Variants in DGKB observed in about 807,000 individuals in gnomAD.
DGKB encodes 90 kDa diacylglycerol kinase.
Under a neutral mutation model 114.3 loss-of-function variants are expected in DGKB, and 67 were observed. The observed-to-expected ratio is 0.59, with a 90% CI of 0.48 to 0.72. The LOEUF is 0.72. DGKB is among the 30% of genes least tolerant of loss of function. The probability of loss-of-function intolerance (pLI) is 0.00; values close to 1 mark genes in which losing one functional copy is unlikely to be tolerated. For synonymous variants in DGKB, 398 were observed against 323.1 expected (o/e 1.23, Z -2.49); for missense variants, 907 against 975.2 (o/e 0.93, Z 0.93).
chr7:14,884,980 G>A (rs865798131), intron 1 of DGKB, among the ~76,000 whole-genome samples: 2 of 151,898 alleles, frequency 1.3e-5, no homozygotes, highest in Admixed American at 6.6e-5. Flanking sequence ...ACTTTAGAAC[G>A]CAAAAGCAGG....
chr7:14,939,392 T>G (rs1446845063), intron 1 of DGKB, among the ~76,000 whole-genome samples: 3 of 152,090 alleles, frequency 2.0e-5, no homozygotes, highest in Admixed American at 2.0e-4. Context: ...TCAGTGAAGT[T>G]TAACTAGAGA....
At chr7:14,425,017 G>A (rs1229599021) in intron 21 of DGKB, among the ~76,000 whole-genome samples, 1 of 151,820 alleles carries the variant, frequency 6.6e-6, no homozygotes, top group Non-Finnish European at 1.5e-5. Context: ...TCTATAACTT[G>A]GTTGATGTAG....
chr7:14,574,521 TATAAG>T, intron 19 of DGKB, 149 bp from the exon 20 acceptor site: 1 of 659,052 alleles, frequency 1.5e-6, no homozygotes, highest in Non-Finnish European at 2.5e-6. Context: ...AAGAATTAAT[TATAAG>T]ATTATACTCA....
At position 14,148,924 on chromosome 7, in the gene DGKB, G is replaced by C. The variant is rs1781773306; in HGVS notation, c.*207C>G. ...GCAGTATCACTTCAGGTAAACTTCT[G>C]CTTTCTTCATGCAAAGATGCCTATA... On this transcript the variant is annotated 3_prime_UTR_variant, in exon 26 of 26. Transcript: ENST00000402815. The C allele has an allele frequency of 1.7e-6, 1 of 577,126 alleles. No individual in the cohort carries two copies. The highest frequency in any genetic ancestry group is 3.1e-6 in the Non-Finnish European group (1 of 327,242). 35.8% of individuals were successfully genotyped at this position (577,126 alleles called of 1,614,324 possible). A position where few individuals can be genotyped will look rare whatever the true frequency, so the allele number is the denominator to read the frequency against.
chr7:14,299,895 TTAAAG>T (rs1439612260), intron 23 of DGKB, among the ~76,000 whole-genome samples: 2 of 151,616 alleles, frequency 1.3e-5, no homozygotes, highest in Non-Finnish European at 2.9e-5. Flanking sequence ...AAAAAAACCT[TTAAAG>T]TAAAGCAAAA....
intron 25 of DGKB, among the ~76,000 whole-genome samples, chr7:14,163,349 A>G (rs1029785907): frequency 3.9e-5 from 6 of 152,208 alleles, no homozygotes; most frequent in Admixed American, 3.9e-4. Flanking sequence ...ATTACAAAAA[A>G]CAACAATTGT....
chr7:14,207,982 T>C (rs985165262), intron 23 of DGKB, among the ~76,000 whole-genome samples: 2 of 152,008 alleles, frequency 1.3e-5, no homozygotes, highest in Non-Finnish European at 2.9e-5. Flanking sequence ...TCTATAGAAG[T>C]TTGTTTGTAA....
chr7:14,652,352 T>C (rs1814731439), intron 13 of DGKB, among the ~76,000 whole-genome samples: 1 of 152,104 alleles, frequency 6.6e-6, no homozygotes, highest in Non-Finnish European at 1.5e-5. Flanking sequence ...GCCGCATATC[T>C]ACAACTATCC....
chr7:14,331,356 A>G lies in DGKB; in HGVS notation c.2122+7159T>C, dbSNP rs559973332. ...TCTTGTTTCCAAATTTAATTGATTT[A>G]ATCACTGAAATTAAATGCTTGGAAA... is the stretch of plus-strand genomic sequence containing the variant. On this transcript the variant is annotated intron_variant, in intron 23 of 25. Coordinates refer to ENST00000402815, the MANE Select transcript of DGKB (RefSeq NM_001350709.2). 1.2e-3 allele frequency among the ~76,000 whole-genome samples: 185 copies of G among 152,134 alleles called. 1 individual carries two copies. Among genetic ancestry groups the G allele is most frequent in the African/African-American group, 4.3e-3 (177 of 41,544 alleles).
chr7:14,190,722 C>T (rs1474333041), intron 23 of DGKB: 1 of 152,164 alleles, frequency 6.6e-6, no homozygotes, highest in Non-Finnish European at 1.5e-5. Context: ...GATATTAAAG[C>T]TGATACCAAC....
intron 1 of DGKB, among the ~76,000 whole-genome samples, chr7:14,971,589 A>G (rs887237802): frequency 6.6e-6 from 1 of 152,172 alleles, no homozygotes; most frequent in African/African-American, 2.4e-5. Context: ...TCTGAAACCA[A>G]CTAGGCTTAT....
chr7:14,538,616 T>G (rs1013044793), intron 20 of DGKB, among the ~76,000 whole-genome samples: 42 of 152,216 alleles, frequency 2.8e-4, no homozygotes, highest in African/African-American at 1.0e-3. Flanking sequence ...TATGTTCTAG[T>G]GATCCCACTT....
chr7:14,875,980 T>C (rs1853223728), intron 1 of DGKB, among the ~76,000 whole-genome samples: 2 of 152,164 alleles, frequency 1.3e-5, no homozygotes, highest in Non-Finnish European at 2.9e-5. Context: ...TTGAGCATTA[T>C]TCAGGTAAAA....
intron 23 of DGKB, among the ~76,000 whole-genome samples, chr7:14,304,087 A>ACACACACACTCTCT (rs140836395): frequency 0.059 from 6,476 of 109,832 alleles, 272 homozygotes; most frequent in South Asian, 0.091. Flanking sequence ...ACACACACAC[A>ACACACACACTCTCT]CTCTCTCTCT....
chr7:14,915,328 T>C (rs943539107), intron 1 of DGKB, among the ~76,000 whole-genome samples: 1 of 152,138 alleles, frequency 6.6e-6, no homozygotes, highest in Non-Finnish European at 1.5e-5. Flanking sequence ...CAGTGAGCTA[T>C]GATCAAGCCT....
At chr7:14,687,733 C>T (rs912538762) in intron 9 of DGKB, among the ~76,000 whole-genome samples, 4 of 152,272 alleles carry the variant, frequency 2.6e-5, no homozygotes, top group African/African-American at 7.2e-5. Context: ...GTATATATTA[C>T]TGTTCTTGTA....
intron 5 of DGKB, among the ~76,000 whole-genome samples, chr7:14,724,060 T>C (rs1250174083): frequency 6.6e-6 from 1 of 152,226 alleles, no homozygotes; most frequent in African/African-American, 2.4e-5. Flanking sequence ...ACATTTTCTC[T>C]ATTTCTTAAT....
intron 21 of DGKB, among the ~76,000 whole-genome samples, chr7:14,351,363 G>A (rs1813394760): frequency 6.6e-6 from 1 of 152,212 alleles, no homozygotes; most frequent in African/African-American, 2.4e-5. Flanking sequence ...TTCAGGGAGA[G>A]AAAAGCACTC....
chr7:14,668,289 A>G (rs768478475), intron 13 of DGKB, among the ~76,000 whole-genome samples: 3 of 152,114 alleles, frequency 2.0e-5, no homozygotes, highest in Non-Finnish European at 2.9e-5. Flanking sequence ...GAATTGAGTA[A>G]TATTATATTC....
Sources: allele counts gnomAD v4.1 joint callset (sites outside exome capture counted in the v4.1 genomes callset), GRCh38; gene constraint gnomAD v4.1.1; transcripts MANE v1.5; gene names NCBI Gene and HGNC (gene_info 2026-07-23, HGNC 2026-07-21).